TBC1D22A: variants seen among roughly 807,000 people sequenced by gnomAD.
TBC1D22A encodes TBC1 domain family member 22A.
TBC1D22A carries 38 observed loss-of-function variants against 60.2 expected under a neutral mutation model. The ratio of observed to expected loss-of-function variants is 0.63; its 90% CI spans 0.49 to 0.83. The LOEUF (loss-of-function observed/expected upper bound fraction) is 0.83. TBC1D22A is among the 40% of genes least tolerant of loss of function. The probability of loss-of-function intolerance (pLI) is 0.00; values close to 1 mark genes in which losing one functional copy is unlikely to be tolerated. For missense variants in TBC1D22A, 628 were observed against 701.0 expected, an observed-to-expected ratio of 0.90 and a Z score of 1.18; for synonymous variants, 302 against 281.7, an observed-to-expected ratio of 1.07 and a Z score of -0.72.
intron 12 of TBC1D22A, among the ~76,000 whole-genome samples, chr22:47,165,774 G>C (rs373845781): frequency 2.0e-5 from 3 of 152,182 alleles, no homozygotes; most frequent in East Asian, 3.9e-4. Flanking sequence ...CGGACCCCGG[G>C]GGTCCTCAGC....
intron 5 of TBC1D22A, among the ~76,000 whole-genome samples, chr22:46,882,691 T>C (rs1449859745): frequency 2.0e-5 from 3 of 152,206 alleles, no homozygotes; most frequent in Non-Finnish European, 2.9e-5. Flanking sequence ...TTTATCCCAG[T>C]CTGTGAGTCC....
chr22:46,892,511 T>A (rs6009021), intron 6 of TBC1D22A, among the ~76,000 whole-genome samples: 15,384 of 152,152 alleles, frequency 0.1, 1,187 homozygotes, highest in African/African-American at 0.22. Context: ...CTTCTGTCTC[T>A]CATCAGGGCC....
At position 46,793,809 on chromosome 22, in the gene TBC1D22A, CGGTCA is replaced by C; in HGVS notation, c.430_434del (p.Val144Ter). Reference sequence around the variant, plus strand: ...AGCGGCGACCTCCGGCTGGTGAAGTCGGTCAGTGAGAGCCACACGTCCTGTCCTGC... The same window carrying C: ...AGCGGCGACCTCCGGCTGGTGAAGTCGTGAGAGCCACACGTCCTGTCCTGC... On this transcript the variant is annotated frameshift_variant, in exon 3 of 13. Transcript: ENST00000337137. LOFTEE classifies it high-confidence loss of function. 3.8e-6 allele frequency: 6 copies of C among 1,594,328 alleles called. No homozygotes were observed. Among genetic ancestry groups the C allele is most frequent in the Non-Finnish European group, 4.3e-6 (5 of 1,170,998 alleles).
intron 11 of TBC1D22A, among the ~76,000 whole-genome samples, chr22:47,062,087 CAAAAAAAAAAAA>C (rs908701365): frequency 1.6e-5 from 1 of 62,998 alleles, no homozygotes; most frequent in Non-Finnish European, 2.7e-5. Flanking sequence ...GACTCCATCT[CAAAAAAAAAAAA>C]AAAAAAAAAG....
intron 12 of TBC1D22A, among the ~76,000 whole-genome samples, chr22:47,165,566 G>A (rs920557650): frequency 3.9e-5 from 6 of 152,114 alleles, no homozygotes; most frequent in Non-Finnish European, 7.4e-5. Context: ...CATGTCGCCC[G>A]CCCCACTGCC....
At chr22:47,004,357 T>C (rs770007284) in intron 10 of TBC1D22A, among the ~76,000 whole-genome samples, 3 of 139,372 alleles carry the variant, frequency 2.2e-5, no homozygotes, top group Non-Finnish European at 4.6e-5. Context: ...CATACACATA[T>C]ACATACACTC....
At chr22:46,867,118 T>C (rs2067092178) in intron 4 of TBC1D22A, among the ~76,000 whole-genome samples, 1 of 152,250 alleles carries the variant, frequency 6.6e-6, no homozygotes, top group South Asian at 2.1e-4. Flanking sequence ...GTGACTTTAT[T>C]AATTCAGCTA....
At chr22:46,852,798 C>G (rs1346294803) in intron 4 of TBC1D22A, among the ~76,000 whole-genome samples, 1 of 152,160 alleles carries the variant, frequency 6.6e-6, no homozygotes, top group Non-Finnish European at 1.5e-5. Context: ...CTGGCTGCAT[C>G]GCGAGCTCCT....
intron 12 of TBC1D22A, among the ~76,000 whole-genome samples, chr22:47,171,678 C>A (rs1244672846): frequency 2.6e-5 from 4 of 152,192 alleles, no homozygotes; most frequent in Non-Finnish European, 4.4e-5. Context: ...CTGCCCTGCC[C>A]TTGGTGGGCT....
chr22:46,804,697 A>G (rs1359322043), intron 4 of TBC1D22A, among the ~76,000 whole-genome samples: 2 of 152,230 alleles, frequency 1.3e-5, no homozygotes, highest in East Asian at 3.8e-4. Flanking sequence ...AAAATTAGGA[A>G]TTTTATTTAC....
intron 4 of TBC1D22A, among the ~76,000 whole-genome samples, chr22:46,800,798 G>A (rs2084865250): frequency 6.6e-6 from 1 of 152,066 alleles, no homozygotes; most frequent in Non-Finnish European, 1.5e-5. Context: ...TTGTGCTATT[G>A]ACGTATATGG....
chr22:46,954,593 G>A (rs142191145), intron 8 of TBC1D22A, among the ~76,000 whole-genome samples: 19 of 152,302 alleles, frequency 1.2e-4, no homozygotes, highest in African/African-American at 4.6e-4. Flanking sequence ...CATGCTCTGG[G>A]TGGAGAGCAG....
chr22:46,792,604 G>A lies in TBC1D22A; in HGVS notation c.119+28G>A, dbSNP rs574885773. The A allele has an allele frequency of 3.5e-5, 57 of 1,614,222 alleles. No individual in the cohort carries two copies. The South Asian group carries it at 4.5e-4, about 13-fold the overall frequency. ...AAGTGACGTTCCAACCTCACTTGGC[G>A]TCTCGGCTCTGATATGGGAGGGCTG... On this transcript the variant is annotated intron_variant, in intron 2 of 12. Coordinates refer to ENST00000337137, the MANE Select transcript of TBC1D22A (RefSeq NM_014346.5).
At chr22:47,029,700 C>T (rs1603071437) in intron 10 of TBC1D22A, among the ~76,000 whole-genome samples, 2 of 152,350 alleles carry the variant, frequency 1.3e-5, no homozygotes, top group East Asian at 1.9e-4. Context: ...GATTTGCCAG[C>T]GAGTGTCCTG....
Position 47,101,751 on chromosome 22 carries a change from G to A in TBC1D22A, c.1330-9757G>A, listed in dbSNP as rs529269444. ...AGTGGGGGCACCGAGTTAGGTGGAT[G>A]GGGCCTCATATGCCTTGAGGGGAAC... On this transcript the variant is annotated intron_variant, in intron 11 of 12. Transcript: ENST00000337137. 3.9e-4 allele frequency among the ~76,000 whole-genome samples: 59 copies of A among 152,322 alleles called. 1 individual carries two copies. The highest frequency in any genetic ancestry group is 1.4e-3 in the African/African-American group (57 of 41,580).
intron 5 of TBC1D22A, among the ~76,000 whole-genome samples, chr22:46,884,531 G>T (rs2068015234): frequency 6.6e-6 from 1 of 152,182 alleles, no homozygotes; most frequent in Non-Finnish European, 1.5e-5. Flanking sequence ...TGGAAAGGCG[G>T]CTGCTGGCCC....
intron 4 of TBC1D22A, among the ~76,000 whole-genome samples, chr22:46,839,266 T>A (rs2147203954): frequency 1.3e-5 from 2 of 151,908 alleles, no homozygotes; most frequent in South Asian, 4.2e-4. Flanking sequence ...TGAAATATGA[T>A]ACTTTGGTGT....
At chr22:47,123,227 G>A (rs994463153) in intron 12 of TBC1D22A, among the ~76,000 whole-genome samples, 5 of 152,088 alleles carry the variant, frequency 3.3e-5, no homozygotes, top group African/African-American at 9.7e-5. Context: ...GCTGCTTCCC[G>A]GGTGACGCTT....
In TBC1D22A at chr22:47,010,282, G is replaced by A. The variant is rs112434511; in HGVS notation, c.1201+12573G>A. ...CCCCTACAAAGTAAGCAGCCGAGAA[G>A]CAGAGGATAAATCAGCAGCGCAGCC... On this transcript the variant is annotated intron_variant, in intron 10 of 12. Coordinates refer to ENST00000337137, the MANE Select transcript of TBC1D22A (RefSeq NM_014346.5). Among the ~76,000 whole-genome samples the A allele has an allele frequency of 1.5e-3, 232 of 152,316 alleles. 1 individual carries two copies. Among genetic ancestry groups the A allele is most frequent in the African/African-American group, 5.4e-3 (225 of 41,576 alleles).
Sources: allele counts gnomAD v4.1 joint callset (sites outside exome capture counted in the v4.1 genomes callset), GRCh38; gene constraint gnomAD v4.1.1; transcripts MANE v1.5; gene names NCBI Gene and HGNC (gene_info 2026-07-23, HGNC 2026-07-21).